GABRA4: variants seen among roughly 807,000 people sequenced by gnomAD.
GABRA4 encodes the protein gamma-aminobutyric acid type A receptor subunit alpha4.
In GABRA4, 12 loss-of-function variants were observed where a neutral mutation model predicts 49.7. That is an observed-to-expected ratio of 0.24 (90% CI 0.15 to 0.39). The LOEUF (loss-of-function observed/expected upper bound fraction) is 0.39, where lower values mean the gene tolerates loss of function less well. GABRA4 is among the 10% of genes least tolerant of loss of function. GABRA4 has a pLI of 1.00. For missense variants in GABRA4, 506 were observed against 686.0 expected (o/e 0.74, Z 2.93); for synonymous variants, 288 against 240.2 (o/e 1.20, Z -1.84).
In GABRA4 at chr4:46,951,855, C is replaced by T. The variant is rs568958623; in HGVS notation, c.1134+13115G>A. On this transcript the variant is annotated intron_variant, in intron 8 of 8. Transcript: ENST00000264318. The stretch of plus-strand genomic sequence containing the variant: ...TTTTCAAGCGGTATCTTGATATCCA[C>T]ATTAAACTGACTGTACTTAGAAAAA... Among the ~76,000 whole-genome samples, 10 of 151,528 alleles carry T rather than the reference C, an allele frequency of 6.6e-5. No individual in the cohort carries two copies. The South Asian group carries it at 1.7e-3, about 25-fold the overall frequency.
chr4:46,932,095 A>C (rs1254223046), intron 8 of GABRA4, among the ~76,000 whole-genome samples: 2 of 152,122 alleles, frequency 1.3e-5, no homozygotes, highest in African/African-American at 4.8e-5. Context: ...TGAGGGCGGA[A>C]GTTCCTCAGA....
Position 46,922,239 on chromosome 4 carries a change from A to G in GABRA4, c.*5986T>C, listed in dbSNP as rs1372667147. The G allele has an allele frequency of 6.6e-6, 1 of 152,138 alleles. No homozygotes were observed. The highest frequency in any genetic ancestry group is 6.6e-5 in the Admixed American group (1 of 15,256). The allele number at this position is 152,138 out of a possible 1,614,324, so 9.4% of individuals were successfully genotyped here. A position where few individuals can be genotyped will look rare whatever the true frequency, so the allele number is the denominator to read the frequency against. Reference sequence around the variant, plus strand: ...AACAGAGAGTTTTACACTGTGAACTACATAGGCCGCCCAAATGTCAAAAAT... The same window carrying G: ...AACAGAGAGTTTTACACTGTGAACTGCATAGGCCGCCCAAATGTCAAAAAT... On this transcript the variant is annotated 3_prime_UTR_variant, in exon 9 of 9. Transcript: ENST00000264318.
chr4:46,955,756 A>G (rs1157669519), intron 8 of GABRA4, among the ~76,000 whole-genome samples: 2 of 152,108 alleles, frequency 1.3e-5, no homozygotes, highest in Non-Finnish European at 2.9e-5. Flanking sequence ...TTAAGGTGGC[A>G]GTAAAAATCT....
chr4:46,946,954 C>T (rs779080725), intron 8 of GABRA4, among the ~76,000 whole-genome samples: 1 of 151,930 alleles, frequency 6.6e-6, no homozygotes, highest in East Asian at 1.9e-4. Context: ...GCCGTGGAAG[C>T]CTGCTGGTCT....
At chr4:46,992,656 G>A (rs200789761) in intron 2 of GABRA4, 172 bp downstream of exon 2, 12 of 611,172 alleles carry the variant, frequency 2.0e-5, no homozygotes, top group African/African-American at 1.8e-5. Context: ...GGGAAAGTAC[G>A]GGTGGAGGCG....
intron 3 of GABRA4, among the ~76,000 whole-genome samples, chr4:46,978,785 C>A (rs559694715): frequency 6.7e-6 from 1 of 149,498 alleles, no homozygotes; most frequent in African/African-American, 2.5e-5. Flanking sequence ...GCTATAGGAA[C>A]CAGTAATAGG....
At chr4:46,977,173 C>A (rs768983120) in intron 4 of GABRA4, 30 bp from the exon 5 acceptor site, 1 of 1,419,272 alleles carries the variant, frequency 7.0e-7, no homozygotes, top group South Asian at 1.2e-5. Context: ...TAAATAAAAT[C>A]AACCCTTTTA....
intron 8 of GABRA4, among the ~76,000 whole-genome samples, chr4:46,941,999 G>A (rs1034207673): frequency 2.0e-5 from 3 of 152,030 alleles, no homozygotes; most frequent in African/African-American, 7.2e-5. Context: ...TTTATTTTGG[G>A]TTATAAATAA....
chr4:46,953,523 T>C (rs1722243078), intron 8 of GABRA4, among the ~76,000 whole-genome samples: 2 of 152,138 alleles, frequency 1.3e-5, no homozygotes, highest in South Asian at 4.1e-4. Context: ...TATTCTAAAG[T>C]TTTCTAAATG....
At chr4:46,949,772 A>T (rs1294202289) in intron 8 of GABRA4, among the ~76,000 whole-genome samples, 2 of 152,156 alleles carry the variant, frequency 1.3e-5, no homozygotes, top group Non-Finnish European at 2.9e-5. Context: ...TTGAAATATG[A>T]ATGCAATTCA....
intron 8 of GABRA4, among the ~76,000 whole-genome samples, chr4:46,961,619 G>A (rs922295938): frequency 2.3e-4 from 35 of 151,842 alleles, no homozygotes; most frequent in African/African-American, 8.0e-4. Context: ...GAATGAATAA[G>A]GGACCGATCT....
At chr4:46,974,421 A>G in intron 5 of GABRA4, 46 bp from the exon 6 acceptor site, 2 of 1,565,990 alleles carry the variant, frequency 1.3e-6, no homozygotes, top group South Asian at 1.2e-5. Flanking sequence ...CTCCTTTTTC[A>G]TCCACATCAG....
At chr4:46,957,782 A>G (rs1722419742) in intron 8 of GABRA4, among the ~76,000 whole-genome samples, 1 of 151,980 alleles carries the variant, frequency 6.6e-6, no homozygotes, top group Non-Finnish European at 1.5e-5. Context: ...CTTACTAGAT[A>G]GGTGACCTTG....
rs748762573 is a variant in GABRA4, at chr4:46,993,295, C to G, written c.86+44G>C. 3.3e-5 allele frequency: 51 copies of G among 1,543,712 alleles called. No homozygotes were observed. The East Asian group carries it at 1.1e-3, about 35-fold the overall frequency. Reference sequence around the variant, plus strand: ...AAAGGGGTCCCGGAGCTAGCCATTTCTCCACTTTCCGTTGCCCACCTCCTC... The same window carrying G: ...AAAGGGGTCCCGGAGCTAGCCATTTGTCCACTTTCCGTTGCCCACCTCCTC... On this transcript the variant is annotated intron_variant, in intron 1 of 8. Coordinates refer to ENST00000264318, the MANE Select transcript of GABRA4 (RefSeq NM_000809.4).
At chr4:46,972,196 G>C (rs1722972073) in intron 6 of GABRA4, among the ~76,000 whole-genome samples, 1 of 151,572 alleles carries the variant, frequency 6.6e-6, no homozygotes, top group Admixed American at 6.6e-5. Flanking sequence ...TTGATGTGAA[G>C]AAGGTTTCCT....
chr4:46,968,581 T>A (rs2109381113), intron 7 of GABRA4, among the ~76,000 whole-genome samples: 1 of 151,758 alleles, frequency 6.6e-6, no homozygotes, highest in East Asian at 1.9e-4. Flanking sequence ...GTCATTTCCC[T>A]TAACTATAAA....
chr4:46,961,221 C>T (rs1211866817), intron 8 of GABRA4, among the ~76,000 whole-genome samples: 2 of 151,908 alleles, frequency 1.3e-5, no homozygotes, highest in East Asian at 3.9e-4. Flanking sequence ...TCTTAAAGGG[C>T]CCAGTGCCCT....
At chr4:46,987,138 C>T (rs1723570963) in intron 2 of GABRA4, among the ~76,000 whole-genome samples, 1 of 152,130 alleles carries the variant, frequency 6.6e-6, no homozygotes, top group Non-Finnish European at 1.5e-5. Context: ...CCTAATCAGC[C>T]TGCAAAGCTG....
At chr4:46,982,723 T>A (rs1487025652) in intron 2 of GABRA4, among the ~76,000 whole-genome samples, 1 of 151,878 alleles carries the variant, frequency 6.6e-6, no homozygotes, top group Non-Finnish European at 1.5e-5. Flanking sequence ...AGTAAGGGAG[T>A]TTATATGATT....
Sources: gnomAD v4.1 joint callset for allele counts (sites outside exome capture counted in the v4.1 genomes callset) on GRCh38, gnomAD v4.1.1 for gene constraint, MANE v1.5 for transcripts, NCBI Gene and HGNC (gene_info 2026-07-23, HGNC 2026-07-21) for gene names.